Variants in IKBKB observed in about 807,000 individuals in gnomAD.
IKBKB encodes the protein inhibitor of nuclear factor kappa-B kinase subunit beta.
IKBKB carries 42 observed loss-of-function variants against 113.6 expected under a neutral mutation model. The observed-to-expected ratio is 0.37, with a 90% CI of 0.29 to 0.48. The LOEUF (loss-of-function observed/expected upper bound fraction) is 0.48. IKBKB is among the 20% of genes least tolerant of loss of function. The pLI is 0.99. For synonymous variants in IKBKB, 296 were observed against 361.3 expected (o/e 0.82, Z 2.05); for missense variants, 673 against 939.7 (o/e 0.72, Z 3.71).
chr8:42,292,444 C>T (rs1385790760), intron 4 of IKBKB, among the ~76,000 whole-genome samples: 2 of 152,140 alleles, frequency 1.3e-5, no homozygotes, highest in African/African-American at 2.4e-5. Context: ...TGTCACCCAG[C>T]GGGGTTGGGG....
intron 5 of IKBKB, chr8:42,298,343 G>C: frequency 1.0e-6 from 1 of 985,396 alleles, no homozygotes; most frequent in African/African-American, 1.7e-5. Flanking sequence ...CAGGCCTTTC[G>C]GGAACCCACC....
intron 2 of IKBKB, among the ~76,000 whole-genome samples, chr8:42,287,723 A>G (rs1032942697): frequency 3.9e-5 from 6 of 152,226 alleles, no homozygotes; most frequent in African/African-American, 1.2e-4. Context: ...AAACTGAGTC[A>G]GACCAAGTGG....
At chr8:42,306,233 A>G in intron 6 of IKBKB, 110 bp from the exon 7 acceptor site, 1 of 684,148 alleles carries the variant, frequency 1.5e-6, no homozygotes. Flanking sequence ...GGGATCTAAT[A>G]GTACCTGGGA....
At chr8:42,311,154 C>A (rs1471704950) in intron 8 of IKBKB, among the ~76,000 whole-genome samples, 2 of 152,224 alleles carry the variant, frequency 1.3e-5, no homozygotes, top group Non-Finnish European at 2.9e-5. Context: ...GTGGACACTG[C>A]CCCTTTCACC....
chr8:42,290,366 C>A, intron 4 of IKBKB, 93 bp downstream of exon 4: 1 of 845,508 alleles, frequency 1.2e-6, no homozygotes, highest in Non-Finnish European at 1.9e-6. Context: ...CTGTCATCAT[C>A]AGGAAGCTTG....
At chr8:42,318,068 C>T (rs909170437) in intron 12 of IKBKB, among the ~76,000 whole-genome samples, 6 of 151,892 alleles carry the variant, frequency 4.0e-5, no homozygotes, top group Non-Finnish European at 7.4e-5. Flanking sequence ...TCAAGACCAG[C>T]CTGGGTAATA....
chr8:42,288,756 G>A, intron 3 of IKBKB, 28 bp downstream of exon 3: 2 of 1,556,816 alleles, frequency 1.3e-6, no homozygotes, highest in Non-Finnish European at 1.8e-6. Flanking sequence ...AGGGACCCAA[G>A]GGAAAGCTGG....
chr8:42,290,253 C>A lies in IKBKB; in HGVS notation c.298C>A (p.Gln100Lys). 1 of 1,612,578 alleles carries A rather than the reference C, an allele frequency of 6.2e-7. No individual in the cohort carries two copies. The highest frequency in any genetic ancestry group is 8.5e-7 in the Non-Finnish European group (1 of 1,178,966). Residue 100 changes from glutamine (Q) to lysine (K), a missense_variant, in exon 4 of 22, where the codon CAA (glutamine) becomes AAA (lysine). Physicochemically the swap from Gln to Lys is moderately conservative, Grantham distance 53. Around this residue, in one of 2 missense-constraint regions of IKBKB, gnomAD observed 167 missense variants for 301.0 expected, o/e 0.55. Transcript: ENST00000520810. ...DLPLLAMEYCQGGDLRKYLNQ... is the reference protein window; with the variant it reads ...DLPLLAMEYCKGGDLRKYLNQ... Reference sequence around the variant, plus strand: ...GCCCCTGCTGGCCATGGAGTACTGCCAAGGAGGAGATCTCCGGAAGGTGAG... The same window carrying A: ...GCCCCTGCTGGCCATGGAGTACTGCAAAGGAGGAGATCTCCGGAAGGTGAG...
chr8:42,322,755 A>G (rs575229544), intron 19 of IKBKB, among the ~76,000 whole-genome samples: 6 of 152,312 alleles, frequency 3.9e-5, no homozygotes, highest in Admixed American at 2.0e-4. Flanking sequence ...AGGGGCTAAA[A>G]CAACAGAAAT....
At position 42,322,042 on chromosome 8, in the gene IKBKB, C is replaced by T. The variant is rs1819879035; in HGVS notation, c.1739-12C>T. The T allele has an allele frequency of 6.2e-7, 1 of 1,611,928 alleles. No homozygotes were observed. Among genetic ancestry groups the T allele is most frequent in the Non-Finnish European group, 8.5e-7 (1 of 1,178,058 alleles). On this transcript the variant is annotated splice_polypyrimidine_tract_variant and intron_variant, in intron 17 of 21. Coordinates refer to ENST00000520810, the MANE Select transcript of IKBKB (RefSeq NM_001556.3). ...CTTCCTTGAGGAACTATGCTACCCTCCCTCTCTCCAGACCAGCGAACTGAG... is the reference window on the plus strand; with the variant it reads ...CTTCCTTGAGGAACTATGCTACCCTTCCTCTCTCCAGACCAGCGAACTGAG...
chr8:42,321,839 G>A (rs1819840227), intron 16 of IKBKB, 57 bp from the exon 17 acceptor site: 1 of 1,314,332 alleles, frequency 7.6e-7, no homozygotes, highest in African/African-American at 1.5e-5. Flanking sequence ...CCAAAAAAAT[G>A]TAAAAATTAG....
At chr8:42,330,159 T>C (rs2130740708) in intron 21 of IKBKB, 1 of 985,350 alleles carries the variant, frequency 1.0e-6, no homozygotes, top group Non-Finnish European at 1.2e-6. Flanking sequence ...ACAGTGAGCA[T>C]GGGAGTGAGT....
chr8:42,280,596 T>C (rs1227061859), intron 2 of IKBKB, among the ~76,000 whole-genome samples: 2 of 151,974 alleles, frequency 1.3e-5, no homozygotes. Flanking sequence ...CCAATACTGA[T>C]CTCCTCAGTG....
chr8:42,325,350 A>G (rs1455222459), intron 19 of IKBKB: 1 of 985,712 alleles, frequency 1.0e-6, no homozygotes, highest in African/African-American at 1.7e-5. Flanking sequence ...TCTGTCTTCT[A>G]CCTGGAAAAC....
chr8:42,324,723 A>C (rs13278372), intron 19 of IKBKB: 107,834 of 152,758 alleles, frequency 0.71, 43,349 homozygotes, highest in Non-Finnish European at 0.88. Flanking sequence ...AGCACTGAGA[A>C]GGGCCGCTCA....
intron 8 of IKBKB, chr8:42,309,836 T>G (rs980510307): frequency 6.6e-6 from 1 of 152,286 alleles, no homozygotes; most frequent in East Asian, 1.9e-4. Context: ...ATTTTTCCAG[T>G]AAAAATTAAA....
Position 42,316,475 on chromosome 8 carries a change from T to C in IKBKB, c.930+136T>C. The C allele has an allele frequency of 2.7e-6, 3 of 1,092,302 alleles. 1 individual carries two copies. In the South Asian group the frequency reaches 4.8e-5, roughly 17 times the overall value. The allele number at this position is 1,092,302 out of a possible 1,614,324, so 67.7% of individuals were successfully genotyped here. On this transcript the variant is annotated intron_variant, in intron 10 of 21. Transcript: ENST00000520810. This position sits in a 1 kb window ranked among gnomAD's most constrained non-coding sequence, Gnocchi z 4.5. ...AGGCTCCTGCATCAGTCTTTCTGCA[T>C]AAGTAAAGAAAGGACAGTTGTGCTA...
chr8:42,316,961 A>G lies in IKBKB; in HGVS notation c.1125+57A>G, dbSNP rs1266370247. On this transcript the variant is annotated intron_variant, in intron 11 of 21. Transcript: ENST00000520810. This position sits in a 1 kb window ranked among gnomAD's most constrained non-coding sequence, Gnocchi z 4.5. ...TTACCTTGGCTGTGCCTCCTGGGAA[A>G]CTCAACACACTTTCAGATTTCAATT... 6.2e-6 allele frequency: 9 copies of G among 1,451,900 alleles called. No homozygotes were observed. In the African/African-American group the frequency reaches 8.4e-5, roughly 14 times the overall value. 89.9% of individuals were successfully genotyped at this position (1,451,900 alleles called of 1,614,324 possible).
chr8:42,320,453 C>G, intron 15 of IKBKB: 1 of 352,564 alleles, frequency 2.8e-6, no homozygotes. Flanking sequence ...TTAAGTACTT[C>G]ATCTTACTTG....
Sources: gnomAD v4.1 joint callset for allele counts (sites outside exome capture counted in the v4.1 genomes callset) on GRCh38, gnomAD v4.1.1 for gene constraint, gnomAD v4.1.1 regional missense constraint, Gnocchi (gnomAD v3.1) non-coding constraint, MANE v1.5 for transcripts, NCBI Gene and HGNC (gene_info 2026-07-23, HGNC 2026-07-21) for gene names.